The following WWOX variants were observed in gnomAD, a reference collection of about 807,000 sequenced individuals.
WWOX encodes WW domain containing oxidoreductase, also known as WW domain-containing oxidoreductase.
WWOX carries 69 observed loss-of-function variants against 46.2 expected under a neutral mutation model. The ratio of observed to expected loss-of-function variants is 1.49; its 90% CI spans 1.23 to 1.82. The LOEUF is 1.82. Among genes scored for constraint, WWOX ranks in the 40% most tolerant of loss-of-function variants. The pLI is 0.00. For synonymous variants in WWOX, 359 were observed against 202.6 expected (o/e 1.77, Z -6.56); for missense variants, 919 against 542.6 (o/e 1.69, Z -6.89).
chr16:78,933,684 CAAG>C (rs1195148046), intron 8 of WWOX, among the ~76,000 whole-genome samples: 2 of 152,056 alleles, frequency 1.3e-5, no homozygotes, highest in Non-Finnish European at 2.9e-5. Context: ...CGGGGGCAGA[CAAG>C]AGAGGAGAGC....
At chr16:79,100,121 C>T (rs926841190) in intron 8 of WWOX, among the ~76,000 whole-genome samples, 3 of 152,298 alleles carry the variant, frequency 2.0e-5, no homozygotes, top group Admixed American at 2.0e-4. Context: ...GCTTCAATCA[C>T]ATCTACAAAA....
intron 8 of WWOX, among the ~76,000 whole-genome samples, chr16:78,779,252 C>T (rs982080403): frequency 2.0e-5 from 3 of 152,180 alleles, no homozygotes; most frequent in Non-Finnish European, 4.4e-5. Flanking sequence ...TCAAGGGATC[C>T]TCCCATCTCA....
At chr16:78,935,226 C>A (rs148841085) in intron 8 of WWOX, among the ~76,000 whole-genome samples, 1 of 152,122 alleles carries the variant, frequency 6.6e-6, no homozygotes, top group Non-Finnish European at 1.5e-5. Context: ...ACTAGAAATA[C>A]CATTTGACCC....
Position 79,160,610 on chromosome 16 carries a change from A to T in WWOX, c.1057-50998A>T, listed in dbSNP as rs577211958. ...TATTTTGTTTTATTTTATTTCATTT[A>T]TTCTTTTTTTGAAGAGGTATGGGTC... On this transcript the variant is annotated intron_variant, in intron 8 of 8. Transcript: ENST00000566780. 3.6e-3 allele frequency among the ~76,000 whole-genome samples: 547 copies of T among 152,248 alleles called. 1 individual carries two copies. The highest frequency in any genetic ancestry group is 0.017 in the Middle Eastern group (5 of 294).
chr16:79,007,295 CAG>C (rs375461398), intron 8 of WWOX, among the ~76,000 whole-genome samples: 5 of 152,212 alleles, frequency 3.3e-5, no homozygotes, highest in African/African-American at 1.2e-4. Flanking sequence ...ATAGAGTAAT[CAG>C]GGGAGGGCCC....
chr16:78,124,087 A>G (rs1023239744), intron 4 of WWOX: 2 of 152,142 alleles, frequency 1.3e-5, no homozygotes, highest in African/African-American at 2.4e-5. Context: ...AAAGGAATAC[A>G]CTTTGGCTTT....
intron 8 of WWOX, among the ~76,000 whole-genome samples, chr16:79,197,375 C>A (rs2051261176): frequency 6.6e-6 from 1 of 152,192 alleles, no homozygotes; most frequent in South Asian, 2.1e-4. Flanking sequence ...TACATTTCCT[C>A]CCAACTCTGC....
At position 79,091,775 on chromosome 16, in the gene WWOX, C is replaced by CTT. The variant is rs771753213; in HGVS notation, c.1057-119831_1057-119830dup. On this transcript the variant is annotated intron_variant, in intron 8 of 8. Transcript: ENST00000566780. ...CGACCGCATCTTTTTCTTTTCTTTT[C>CTT]TTTGTTTTTTTTTTTTTTTTTTTTG... is the stretch of plus-strand genomic sequence containing the variant. Among the ~76,000 whole-genome samples, 364 of 126,676 alleles carry CTT rather than the reference C, an allele frequency of 2.9e-3. 9 individuals carry two copies. The highest frequency in any genetic ancestry group is 3.7e-3 in the Non-Finnish European group (226 of 61,644). 83.1% of individuals were successfully genotyped at this position (126,676 alleles called of 152,430 possible).
At chr16:78,988,039 A>G (rs1302184421) in intron 8 of WWOX, among the ~76,000 whole-genome samples, 1 of 152,142 alleles carries the variant, frequency 6.6e-6, no homozygotes, top group Non-Finnish European at 1.5e-5. Context: ...GTGTAGGGAA[A>G]CATAAAAGAG....
chr16:78,250,578 C>G (rs1007197993), intron 5 of WWOX, among the ~76,000 whole-genome samples: 4 of 152,108 alleles, frequency 2.6e-5, no homozygotes, highest in African/African-American at 4.8e-5. Flanking sequence ...CTATTAACCT[C>G]AATAGGAAAG....
chr16:78,582,166 A>C (rs768264170), intron 8 of WWOX, among the ~76,000 whole-genome samples: 15 of 152,192 alleles, frequency 9.9e-5, no homozygotes, highest in Non-Finnish European at 2.1e-4. Flanking sequence ...GTTCAGCACA[A>C]GTGAATTATT....
intron 8 of WWOX, among the ~76,000 whole-genome samples, chr16:78,977,160 A>G (rs2046588649): frequency 6.6e-6 from 1 of 152,128 alleles, no homozygotes; most frequent in South Asian, 2.1e-4. Flanking sequence ...GGTACCCTAT[A>G]TATCATTCAC....
At chr16:78,893,423 G>A (rs1356024770) in intron 8 of WWOX, among the ~76,000 whole-genome samples, 1 of 152,018 alleles carries the variant, frequency 6.6e-6, no homozygotes, top group African/African-American at 2.4e-5. Flanking sequence ...AGTTTGGATT[G>A]ACTTCTCTTT....
At chr16:78,479,123 A>G (rs2084426619) in intron 8 of WWOX, among the ~76,000 whole-genome samples, 1 of 152,184 alleles carries the variant, frequency 6.6e-6, no homozygotes, top group Admixed American at 6.5e-5. Context: ...AAGGAAAAAA[A>G]AATAAACATA....
chr16:78,491,861 C>G (rs1567603810), intron 8 of WWOX, among the ~76,000 whole-genome samples: 1 of 152,184 alleles, frequency 6.6e-6, no homozygotes, highest in African/African-American at 2.4e-5. Flanking sequence ...CAAGACTCCC[C>G]TTTACACATT....
intron 8 of WWOX, among the ~76,000 whole-genome samples, chr16:78,939,777 C>T (rs2045815194): frequency 1.3e-5 from 2 of 152,220 alleles, no homozygotes; most frequent in South Asian, 2.1e-4. Context: ...CTTCAGTTCT[C>T]CAAATTCCAC....
intron 8 of WWOX, among the ~76,000 whole-genome samples, chr16:78,659,809 C>T (rs1385224987): frequency 6.6e-6 from 1 of 152,132 alleles, no homozygotes; most frequent in East Asian, 1.9e-4. Flanking sequence ...TCTTTTTTTA[C>T]AAGTCACTCT....
intron 4 of WWOX, among the ~76,000 whole-genome samples, chr16:78,143,131 A>G (rs2034043980): frequency 6.6e-6 from 1 of 152,202 alleles, no homozygotes; most frequent in Non-Finnish European, 1.5e-5. Context: ...GGTGAAACAA[A>G]CTGTGTAATA....
intron 5 of WWOX, among the ~76,000 whole-genome samples, chr16:78,296,943 T>C (rs914799763): frequency 6.6e-6 from 1 of 152,170 alleles, no homozygotes; most frequent in African/African-American, 2.4e-5. Flanking sequence ...TTTTGGATGG[T>C]GTTTATTAAA....
Sources: gnomAD v4.1 joint callset for allele counts (sites outside exome capture counted in the v4.1 genomes callset) on GRCh38, gnomAD v4.1.1 for gene constraint, MANE v1.5 for transcripts, NCBI Gene and HGNC (gene_info 2026-07-23, HGNC 2026-07-21) for gene names.